Variants in CSMD1 observed in about 807,000 individuals in gnomAD.
The protein encoded by CSMD1 is CUB and sushi domain-containing protein 1.
In CSMD1, 213 loss-of-function variants were observed where a neutral mutation model predicts 417.5. The observed-to-expected ratio is 0.51, with a 90% CI of 0.46 to 0.57. The LOEUF is 0.57. Ranked by LOEUF, CSMD1 falls within the 20% of genes least tolerant of loss-of-function variation. CSMD1 has a pLI of 0.00. For synonymous variants in CSMD1, 2,862 were observed against 1,736.8 expected (o/e 1.65, Z -16.11); for missense variants, 6,923 against 4,529.7 (o/e 1.53, Z -15.17).
chr8:4,375,291 A>T (rs1802660396), intron 3 of CSMD1, among the ~76,000 whole-genome samples: 1 of 152,162 alleles, frequency 6.6e-6, no homozygotes, highest in Admixed American at 6.5e-5. Context: ...GACACAAAAA[A>T]GTGTCATATC....
intron 3 of CSMD1, among the ~76,000 whole-genome samples, chr8:4,034,297 G>C (rs544459141): frequency 6.6e-6 from 1 of 152,068 alleles, no homozygotes; most frequent in Non-Finnish European, 1.5e-5. Flanking sequence ...GAATATTATT[G>C]ACATGTTTAT....
Position 4,920,283 on chromosome 8 carries a change from G to A in CSMD1, c.85+74049C>T, listed in dbSNP as rs75134968. Among the ~76,000 whole-genome samples, 1,176 of 152,168 alleles carry A rather than the reference G, an allele frequency of 7.7e-3. 37 individuals carry two copies. The highest frequency in any genetic ancestry group is 0.049 in the Admixed American group (748 of 15,284). Reference sequence around the variant, plus strand: ...ATACTTATGACTGGCTGAAATGAGCGATCCAAGGCAGTTCAAGATAAGTCA... The same window carrying A: ...ATACTTATGACTGGCTGAAATGAGCAATCCAAGGCAGTTCAAGATAAGTCA... On this transcript the variant is annotated intron_variant, in intron 1 of 69. Coordinates refer to ENST00000635120, the MANE Select transcript of CSMD1 (RefSeq NM_033225.6).
At chr8:4,481,788 G>A (rs918484670) in intron 2 of CSMD1, among the ~76,000 whole-genome samples, 3 of 152,144 alleles carry the variant, frequency 2.0e-5, no homozygotes, top group Non-Finnish European at 2.9e-5. Flanking sequence ...ACTATTGTGA[G>A]CACATAATGG....
intron 3 of CSMD1, among the ~76,000 whole-genome samples, chr8:4,286,521 G>C (rs977147040): frequency 6.6e-6 from 1 of 152,072 alleles, no homozygotes; most frequent in African/African-American, 2.4e-5. Flanking sequence ...ACACTCTTCT[G>C]AGATAATATG....
chr8:3,995,214 T>C (rs1400560746), intron 5 of CSMD1, among the ~76,000 whole-genome samples: 1 of 152,236 alleles, frequency 6.6e-6, no homozygotes, highest in Admixed American at 6.5e-5. Flanking sequence ...GTTTTAAATG[T>C]GCTCCTGTAG....
chr8:4,050,181 C>A (rs975229651), intron 3 of CSMD1, among the ~76,000 whole-genome samples: 1 of 152,112 alleles, frequency 6.6e-6, no homozygotes, highest in Non-Finnish European at 1.5e-5. Context: ...GACTTCCACT[C>A]TGGATGTTGA....
At chr8:3,577,370 A>G (rs769303076) in intron 9 of CSMD1, among the ~76,000 whole-genome samples, 11 of 152,220 alleles carry the variant, frequency 7.2e-5, no homozygotes, top group Non-Finnish European at 1.3e-4. Context: ...CTTCAGAGAC[A>G]TTCTTTACCA....
At chr8:3,226,507 T>TGGGAGCGGAGGCTGCA (rs1338772024) in intron 27 of CSMD1, among the ~76,000 whole-genome samples, 13 of 145,792 alleles carry the variant, frequency 8.9e-5, no homozygotes, top group Non-Finnish European at 1.8e-4. Flanking sequence ...CGCTTGAACC[T>TGGGAGCGGAGGCTGCA]GGGAGCGGAG....
chr8:4,914,746 G>T (rs1805937743), intron 1 of CSMD1, among the ~76,000 whole-genome samples: 1 of 152,290 alleles, frequency 6.6e-6, no homozygotes, highest in Non-Finnish European at 1.5e-5. Context: ...AGAGGCTAAT[G>T]TGTTTTCTCA....
At position 4,441,783 on chromosome 8, in the gene CSMD1, G is replaced by A. The variant is rs181224241; in HGVS notation, c.303-21718C>T. 2.6e-5 allele frequency among the ~76,000 whole-genome samples: 4 copies of A among 152,164 alleles called. No individual in the cohort carries two copies. In the East Asian group the frequency reaches 5.8e-4, roughly 22 times the overall value. On this transcript the variant is annotated intron_variant, in intron 2 of 69. Transcript: ENST00000635120. ...TCCATTTGACTGACTAATCTTGGGTGTATCACAAGATAAATCAAATAAGGT... is the reference window on the plus strand; with the variant it reads ...TCCATTTGACTGACTAATCTTGGGTATATCACAAGATAAATCAAATAAGGT...
chr8:4,786,600 A>G (rs1258242769), intron 1 of CSMD1, among the ~76,000 whole-genome samples: 1 of 152,212 alleles, frequency 6.6e-6, no homozygotes, highest in East Asian at 1.9e-4. Flanking sequence ...TGAGGCATCA[A>G]CATTCGTAAG....
intron 5 of CSMD1, among the ~76,000 whole-genome samples, chr8:3,798,819 T>G (rs947733672): frequency 6.6e-6 from 1 of 152,114 alleles, no homozygotes; most frequent in Non-Finnish European, 1.5e-5. Context: ...TCGTGTTGGT[T>G]GAAATTTAGT....
intron 1 of CSMD1, among the ~76,000 whole-genome samples, chr8:4,912,664 A>G (rs1192967282): frequency 6.6e-6 from 1 of 152,192 alleles, no homozygotes; most frequent in Non-Finnish European, 1.5e-5. Flanking sequence ...CAGGAACCAA[A>G]GAGTTTAGCA....
intron 25 of CSMD1, 161 bp from the exon 26 acceptor site, chr8:3,284,507 C>G (rs1015415036): frequency 9.6e-6 from 6 of 626,318 alleles, no homozygotes; most frequent in African/African-American, 9.1e-5. Flanking sequence ...ATGAGGCTCA[C>G]CGAAGATAAT....
intron 5 of CSMD1, among the ~76,000 whole-genome samples, chr8:3,920,741 A>C (rs1490449645): frequency 3.7e-5 from 1 of 27,376 alleles, no homozygotes; most frequent in Non-Finnish European, 8.0e-5. Context: ...TGATCCTATA[A>C]ATATCATATT....
At chr8:4,254,349 T>C (rs975053001) in intron 3 of CSMD1, among the ~76,000 whole-genome samples, 1 of 152,142 alleles carries the variant, frequency 6.6e-6, no homozygotes, top group African/African-American at 2.4e-5. Flanking sequence ...AGTCTGCTTG[T>C]ATAGGGAAGT....
chr8:3,302,134 GAATGATGACAATAATGATGAAAT>G (rs1422765005), intron 25 of CSMD1, among the ~76,000 whole-genome samples: 3 of 152,114 alleles, frequency 2.0e-5, no homozygotes, highest in Non-Finnish European at 2.9e-5. Flanking sequence ...CACAAATAGG[GAATGATGACAATAATGATGAAAT>G]AATGATGAAA....
At chr8:4,323,759 C>G (rs931633768) in intron 3 of CSMD1, among the ~76,000 whole-genome samples, 2 of 152,146 alleles carry the variant, frequency 1.3e-5, no homozygotes, top group African/African-American at 4.8e-5. Context: ...AATATCCCCC[C>G]CTTCCCCTGG....
intron 54 of CSMD1, among the ~76,000 whole-genome samples, chr8:2,985,615 A>G (rs1443199466): frequency 6.6e-6 from 1 of 152,230 alleles, no homozygotes; most frequent in East Asian, 1.9e-4. Context: ...TATTCAATGA[A>G]GTATAACTGA....
Sources: gnomAD v4.1 joint callset for allele counts (sites outside exome capture counted in the v4.1 genomes callset) on GRCh38, gnomAD v4.1.1 for gene constraint, MANE v1.5 for transcripts, NCBI Gene and HGNC (gene_info 2026-07-23, HGNC 2026-07-21) for gene names.